The following MCTP1 variants were observed in gnomAD, a reference collection of about 807,000 sequenced individuals.
The protein encoded by MCTP1 is multiple C2 and transmembrane domain containing 1, also known as multiple C2 and transmembrane domain-containing protein 1.
MCTP1 carries 69 observed loss-of-function variants against 120.6 expected under a neutral mutation model. The observed-to-expected ratio is 0.57, with a 90% confidence interval of 0.47 to 0.70. The LOEUF is 0.70. Ranked by LOEUF, MCTP1 falls within the 30% of genes least tolerant of loss-of-function variation. The pLI is 0.00. For synonymous variants in MCTP1, 529 were observed against 493.1 expected, an observed-to-expected ratio of 1.07 and a Z score of -0.96; for missense variants, 1,203 against 1,248.8, an observed-to-expected ratio of 0.96 and a Z score of 0.55.
At chr5:95,258,557 G>T (rs934440815) in intron 1 of MCTP1, among the ~76,000 whole-genome samples, 3 of 152,094 alleles carry the variant, frequency 2.0e-5, no homozygotes, top group Admixed American at 6.6e-5. Flanking sequence ...ATAAAGTATG[G>T]ACTTTAAGTT....
At chr5:95,233,546 G>C (rs1755199521) in intron 1 of MCTP1, among the ~76,000 whole-genome samples, 1 of 152,042 alleles carries the variant, frequency 6.6e-6, no homozygotes, top group South Asian at 2.1e-4. Flanking sequence ...AGCCAGGATG[G>C]TCTCAACCTC....
At position 94,949,007 on chromosome 5, in the gene MCTP1, A is replaced by T. The variant is rs181071034; in HGVS notation, c.981+4212T>A. 3.1e-3 allele frequency among the ~76,000 whole-genome samples: 465 copies of T among 152,230 alleles called. 1 individual carries two copies. Among genetic ancestry groups the T allele is most frequent in the African/African-American group, 0.01 (428 of 41,542 alleles). Reference sequence around the variant, plus strand: ...AATGAATTATTTAAGGAAATGTCCAATTTTTTAAAATGACCATCTTAGAAA... The same window carrying T: ...AATGAATTATTTAAGGAAATGTCCATTTTTTTAAAATGACCATCTTAGAAA... On this transcript the variant is annotated intron_variant, in intron 3 of 22. Coordinates refer to ENST00000515393, the MANE Select transcript of MCTP1 (RefSeq NM_024717.7).
At chr5:94,960,268 C>T (rs1283467669) in intron 2 of MCTP1, among the ~76,000 whole-genome samples, 1 of 152,098 alleles carries the variant, frequency 6.6e-6, no homozygotes, top group Non-Finnish European at 1.5e-5. Flanking sequence ...CAAAAATTAA[C>T]TCAGGATGGA....
chr5:95,245,551 T>C (rs1756666329), intron 1 of MCTP1, among the ~76,000 whole-genome samples: 2 of 151,954 alleles, frequency 1.3e-5, no homozygotes, highest in Admixed American at 1.3e-4. Flanking sequence ...AATAGCCAAT[T>C]TGATCAAGTG....
chr5:95,095,629 C>T (rs1056816283), intron 1 of MCTP1, among the ~76,000 whole-genome samples: 17 of 152,152 alleles, frequency 1.1e-4, no homozygotes, highest in Admixed American at 1.3e-4. Flanking sequence ...CTGGTCTTTT[C>T]CTTTTTAAGT....
intron 1 of MCTP1, among the ~76,000 whole-genome samples, chr5:95,250,288 C>T (rs1005438987): frequency 5.3e-5 from 8 of 152,224 alleles, no homozygotes; most frequent in Non-Finnish European, 8.8e-5. Context: ...ACCTGAGCCA[C>T]TCTGCATCGC....
At chr5:95,109,584 T>G (rs1757315673) in intron 1 of MCTP1, among the ~76,000 whole-genome samples, 1 of 152,136 alleles carries the variant, frequency 6.6e-6, no homozygotes, top group Non-Finnish European at 1.5e-5. Context: ...GAGACAGAGC[T>G]GGATCATCAA....
At chr5:94,895,244 C>G (rs1803676276) in intron 10 of MCTP1, among the ~76,000 whole-genome samples, 2 of 152,140 alleles carry the variant, frequency 1.3e-5, no homozygotes, top group African/African-American at 4.8e-5. Flanking sequence ...GATGTTTTCC[C>G]CTCATTCGTA....
intron 6 of MCTP1, chr5:94,931,500 G>A (rs2153479800): frequency 6.5e-6 from 1 of 153,114 alleles, no homozygotes; most frequent in East Asian, 1.9e-4. Flanking sequence ...AGAGACAATG[G>A]GGAAAAATTG....
chr5:95,062,397 C>T (rs1489928632), intron 1 of MCTP1, among the ~76,000 whole-genome samples: 1 of 152,186 alleles, frequency 6.6e-6, no homozygotes, highest in Non-Finnish European at 1.5e-5. Flanking sequence ...TAACTCTCAA[C>T]TCTTGGTGTC....
intron 1 of MCTP1, among the ~76,000 whole-genome samples, chr5:95,094,018 A>G (rs1393947534): frequency 6.6e-6 from 1 of 152,190 alleles, no homozygotes; most frequent in South Asian, 2.1e-4. Flanking sequence ...AGGTGTTTGA[A>G]CAAATCTTGA....
At chr5:94,798,166 A>G (rs576975797) in intron 18 of MCTP1, among the ~76,000 whole-genome samples, 1 of 151,998 alleles carries the variant, frequency 6.6e-6, no homozygotes, top group South Asian at 2.1e-4. Context: ...CAACCTTTAA[A>G]TTCTTCTCAA....
intron 17 of MCTP1, among the ~76,000 whole-genome samples, chr5:94,830,237 G>A (rs776417480): frequency 6.6e-6 from 1 of 152,152 alleles, no homozygotes; most frequent in Non-Finnish European, 1.5e-5. Flanking sequence ...ACAGGTAGGA[G>A]AAAGGGTGAA....
intron 1 of MCTP1, among the ~76,000 whole-genome samples, chr5:95,147,932 G>T (rs918560583): frequency 1.6e-4 from 24 of 152,254 alleles, no homozygotes; most frequent in African/African-American, 5.3e-4. Context: ...TGTCTGAGAA[G>T]AATTTTATTT....
At chr5:94,896,498 A>T (rs549240897) in intron 10 of MCTP1, among the ~76,000 whole-genome samples, 1 of 151,818 alleles carries the variant, frequency 6.6e-6, no homozygotes, top group East Asian at 1.9e-4. Flanking sequence ...ACTAAAACGC[A>T]TTGATGTCTT....
chr5:95,256,421 A>G lies in MCTP1; in HGVS notation c.720+27435T>C, dbSNP rs140573109. 2.9e-3 allele frequency among the ~76,000 whole-genome samples: 447 copies of G among 152,234 alleles called. 2 individuals carry two copies. Among genetic ancestry groups the G allele is most frequent in the African/African-American group, 0.01 (426 of 41,566 alleles). ...CTGGCTCTCTGTCAGCAAGCATCCA[A>G]CTGGGCTCAGCCATGGGAGGAGAGC... is the stretch of plus-strand genomic sequence containing the variant. On this transcript the variant is annotated intron_variant, in intron 1 of 22. Transcript: ENST00000515393.
At chr5:94,835,877 G>A (rs536764773) in intron 17 of MCTP1, among the ~76,000 whole-genome samples, 38 of 152,200 alleles carry the variant, frequency 2.5e-4, no homozygotes, top group African/African-American at 9.1e-4. Flanking sequence ...GGTGGTGGGC[G>A]CCTGTAGTCC....
chr5:94,889,780 A>C (rs904603390), intron 11 of MCTP1, among the ~76,000 whole-genome samples: 1 of 151,372 alleles, frequency 6.6e-6, no homozygotes, highest in Non-Finnish European at 1.5e-5. Context: ...ACACACACAC[A>C]CACCCCTCTA....
intron 19 of MCTP1, among the ~76,000 whole-genome samples, chr5:94,760,813 A>C (rs1263003668): frequency 1.3e-5 from 2 of 151,896 alleles, no homozygotes; most frequent in Non-Finnish European, 2.9e-5. Context: ...AGCCTCCCAA[A>C]AGCTGGGACG....
Sources: gnomAD v4.1 joint callset for allele counts (sites outside exome capture counted in the v4.1 genomes callset) on GRCh38, gnomAD v4.1.1 for gene constraint, MANE v1.5 for transcripts, NCBI Gene and HGNC (gene_info 2026-07-23, HGNC 2026-07-21) for gene names.